The following SORCS2 variants were observed in gnomAD, a reference collection of about 807,000 sequenced individuals.
SORCS2 encodes the protein sortilin related VPS10 domain containing receptor 2, also known as VPS10 domain-containing receptor SorCS2.
Under a neutral mutation model 141.6 loss-of-function variants are expected in SORCS2, and 100 were observed. That is an observed-to-expected ratio of 0.71 (90% CI 0.60 to 0.83). SORCS2 has a LOEUF of 0.83. Among genes scored for constraint, SORCS2 ranks in the 40% least tolerant of loss-of-function variants. The pLI, the probability that SORCS2 is intolerant of heterozygous loss-of-function variation, is 0.00. For synonymous variants in SORCS2, 789 were observed against 676.9 expected (o/e 1.17, Z -2.57); for missense variants, 1,646 against 1,560.2 (o/e 1.05, Z -0.93).
intron 2 of SORCS2, among the ~76,000 whole-genome samples, chr4:7,469,470 C>G (rs1233964383): frequency 6.6e-6 from 1 of 152,222 alleles, no homozygotes; most frequent in African/African-American, 2.4e-5. Context: ...CTCAGGCTCC[C>G]TGGCAGGTTA....
At chr4:7,227,846 T>C (rs1711532645) in intron 1 of SORCS2, among the ~76,000 whole-genome samples, 1 of 152,158 alleles carries the variant, frequency 6.6e-6, no homozygotes, top group Non-Finnish European at 1.5e-5. Context: ...GTTGGGGTTT[T>C]CCTAGAGGAG....
chr4:7,343,022 G>T (rs541794956), intron 1 of SORCS2, among the ~76,000 whole-genome samples: 80 of 152,306 alleles, frequency 5.3e-4, no homozygotes, highest in South Asian at 1.7e-3. Flanking sequence ...GGAAAGGGAG[G>T]GTGGAAAAGG....
intron 2 of SORCS2, among the ~76,000 whole-genome samples, chr4:7,467,800 A>G (rs1375375793): frequency 1.3e-5 from 2 of 152,214 alleles, no homozygotes; most frequent in Non-Finnish European, 2.9e-5. Flanking sequence ...TGGCTCCCGG[A>G]GCCGGTCCCC....
intron 2 of SORCS2, among the ~76,000 whole-genome samples, chr4:7,472,862 C>T (rs1346848530): frequency 6.6e-6 from 1 of 151,934 alleles, no homozygotes; most frequent in Non-Finnish European, 1.5e-5. Flanking sequence ...ACTGCCTTCG[C>T]TCAGATGGTG....
intron 2 of SORCS2, chr4:7,434,377 T>C (rs972644944): frequency 1.9e-6 from 3 of 1,607,852 alleles, no homozygotes; most frequent in South Asian, 1.1e-5. Flanking sequence ...AAGGGGCCCA[T>C]TGGCCATGAA....
At chr4:7,245,785 G>A (rs1347011989) in intron 1 of SORCS2, among the ~76,000 whole-genome samples, 3 of 152,192 alleles carry the variant, frequency 2.0e-5, no homozygotes, top group Admixed American at 6.5e-5. Context: ...CCCAGCCTGG[G>A]GTTTAGGGAC....
intron 1 of SORCS2, among the ~76,000 whole-genome samples, chr4:7,271,490 A>G (rs1336434122): frequency 6.6e-6 from 1 of 152,018 alleles, no homozygotes; most frequent in African/African-American, 2.4e-5. Flanking sequence ...CTATATTTTA[A>G]TCCCACCTTC....
intron 18 of SORCS2, among the ~76,000 whole-genome samples, 175 bp downstream of exon 18, chr4:7,718,358 G>A (rs538082208): frequency 1.2e-4 from 19 of 152,278 alleles, no homozygotes; most frequent in African/African-American, 4.1e-4. Context: ...TCCGCTTCCC[G>A]AGTCGAGACC....
intron 3 of SORCS2, among the ~76,000 whole-genome samples, chr4:7,580,538 A>T (rs957559383): frequency 1.3e-5 from 2 of 152,188 alleles, no homozygotes; most frequent in African/African-American, 4.8e-5. Context: ...CTTTTATACA[A>T]AGTATTTATT....
intron 3 of SORCS2, among the ~76,000 whole-genome samples, chr4:7,592,073 C>T (rs868222509): frequency 2.5e-4 from 38 of 152,170 alleles, no homozygotes; most frequent in African/African-American, 9.2e-4. Context: ...TTAAGCACCA[C>T]ATGAGCCCTG....
intron 3 of SORCS2, among the ~76,000 whole-genome samples, chr4:7,628,508 G>T (rs1446372301): frequency 8.6e-5 from 12 of 139,634 alleles, no homozygotes; most frequent in East Asian, 7.1e-4. Context: ...AAAAGAGTGA[G>T]ACTCCGTCTC....
chr4:7,448,385 G>T (rs1035529747), intron 2 of SORCS2, among the ~76,000 whole-genome samples: 7 of 151,638 alleles, frequency 4.6e-5, no homozygotes, highest in African/African-American at 1.7e-4. Flanking sequence ...TTGCCTGCCT[G>T]TCTTCCTCCC....
intron 2 of SORCS2, among the ~76,000 whole-genome samples, chr4:7,476,920 CT>C (rs1214936788): frequency 6.6e-6 from 1 of 152,214 alleles, no homozygotes; most frequent in Non-Finnish European, 1.5e-5. Context: ...GCTATGTGGT[CT>C]AAGAAACTCA....
chr4:7,485,575 C>G (rs1270958605), intron 2 of SORCS2, among the ~76,000 whole-genome samples: 1 of 152,264 alleles, frequency 6.6e-6, no homozygotes, highest in African/African-American at 2.4e-5. Context: ...CAACAACACA[C>G]TCTTGTTATT....
intron 1 of SORCS2, among the ~76,000 whole-genome samples, chr4:7,376,859 C>G (rs1722689686): frequency 6.6e-6 from 1 of 152,200 alleles, no homozygotes; most frequent in African/African-American, 2.4e-5. Context: ...CAAGCCTCCC[C>G]AGATGTCCTC....
chr4:7,357,531 C>G (rs564551668), intron 1 of SORCS2, among the ~76,000 whole-genome samples: 1 of 152,162 alleles, frequency 6.6e-6, no homozygotes, highest in Non-Finnish European at 1.5e-5. Flanking sequence ...ACGCACTTCA[C>G]GCGGAAATAA....
chr4:7,443,790 T>G (rs1435620545), intron 2 of SORCS2, among the ~76,000 whole-genome samples: 1 of 152,234 alleles, frequency 6.6e-6, no homozygotes, highest in Non-Finnish European at 1.5e-5. Context: ...GCATCTCCCA[T>G]GTGGCCTGGC....
At chr4:7,336,884 C>T (rs1261663366) in intron 1 of SORCS2, among the ~76,000 whole-genome samples, 5 of 152,144 alleles carry the variant, frequency 3.3e-5, no homozygotes, top group Non-Finnish European at 7.4e-5. Flanking sequence ...GGTCTGAGTC[C>T]AGGTTCCGTG....
At chr4:7,412,955 G>A (rs1272045111) in intron 2 of SORCS2, among the ~76,000 whole-genome samples, 1 of 152,068 alleles carries the variant, frequency 6.6e-6, no homozygotes. Flanking sequence ...GAAGCTCTGG[G>A]ACCACCATGA....
Sources: allele counts gnomAD v4.1 joint callset (sites outside exome capture counted in the v4.1 genomes callset), GRCh38; gene constraint gnomAD v4.1.1; transcripts MANE v1.5; gene names NCBI Gene and HGNC (gene_info 2026-07-23, HGNC 2026-07-21).